The following FAM135A variants were observed in gnomAD, a reference collection of about 807,000 sequenced individuals.
The protein encoded by FAM135A is protein FAM135A.
Under a neutral mutation model 146.8 loss-of-function variants are expected in FAM135A, and 79 were observed. The ratio of observed to expected loss-of-function variants is 0.54; its 90% confidence interval spans 0.45 to 0.65. The LOEUF (loss-of-function observed/expected upper bound fraction) is 0.65. Ranked by LOEUF, FAM135A falls within the 30% of genes least tolerant of loss-of-function variation. The pLI is 0.00. For synonymous variants in FAM135A, 562 were observed against 603.6 expected, an observed-to-expected ratio of 0.93 and a Z score of 1.01; for missense variants, 1,623 against 1,758.2, an observed-to-expected ratio of 0.92 and a Z score of 1.38.
chr6:70,439,372 C>G (rs556776094), intron 4 of FAM135A, among the ~76,000 whole-genome samples: 2 of 152,186 alleles, frequency 1.3e-5, no homozygotes, highest in South Asian at 2.1e-4. Context: ...TGTTTATATC[C>G]TAGTAGCTTT....
chr6:70,444,092 A>G (rs983424817), intron 4 of FAM135A, among the ~76,000 whole-genome samples: 2 of 152,162 alleles, frequency 1.3e-5, no homozygotes, highest in Non-Finnish European at 2.9e-5. Flanking sequence ...GTTTTTAAAA[A>G]TAGGTAACTT....
chr6:70,545,964 A>G (rs1056446437), intron 20 of FAM135A, among the ~76,000 whole-genome samples: 4 of 152,212 alleles, frequency 2.6e-5, no homozygotes, highest in Non-Finnish European at 5.9e-5. Flanking sequence ...TTAAATATCA[A>G]CAAGTATTTC....
At chr6:70,451,259 C>G (rs750072623) in intron 4 of FAM135A, among the ~76,000 whole-genome samples, 1 of 152,138 alleles carries the variant, frequency 6.6e-6, no homozygotes, top group Non-Finnish European at 1.5e-5. Flanking sequence ...GACATGGTCT[C>G]TATGCGGAGG....
At chr6:70,416,682 T>C (rs2127675845) in intron 2 of FAM135A, among the ~76,000 whole-genome samples, 1 of 152,214 alleles carries the variant, frequency 6.6e-6, no homozygotes, top group Non-Finnish European at 1.5e-5. Context: ...TTCTAGCACT[T>C]GGGGAGGCTG....
intron 5 of FAM135A, 87 bp from the exon 6 acceptor site, chr6:70,475,323 A>G (rs1782414553): frequency 9.0e-7 from 1 of 1,106,520 alleles, no homozygotes; most frequent in Non-Finnish European, 1.3e-6. Context: ...AATATAATCA[A>G]ACATACAGTA....
Position 70,524,037 on chromosome 6 carries a change from C to A in FAM135A, c.1174C>A (p.Pro392Thr). 6.2e-7 allele frequency: 1 copy of A among 1,613,174 alleles called. No individual in the cohort carries two copies. Among genetic ancestry groups the A allele is most frequent in the Non-Finnish European group, 8.5e-7 (1 of 1,179,498 alleles). ...CTTCTGCAGTTCTCTTCCACCCTTA[C>A]CTATTGAATGTAGTGAATTAGATGG... ...TSFCSSLPPL[P>T]IECSELDGDL... is the part of the protein sequence containing the mutation. The change falls in exon 14 of 22, where the codon CCT becomes ACT. Residue 392 changes from proline to threonine, a missense_variant. Transcript: ENST00000418814.
chr6:70,414,524 C>G (rs568272115), intron 1 of FAM135A, among the ~76,000 whole-genome samples: 13 of 151,238 alleles, frequency 8.6e-5, no homozygotes, highest in Admixed American at 3.3e-4. Context: ...CTCCCCCCCC[C>G]ATTTGTATAA....
chr6:70,441,520 A>C (rs1012158300), intron 4 of FAM135A, among the ~76,000 whole-genome samples: 1 of 152,074 alleles, frequency 6.6e-6, no homozygotes, highest in African/African-American at 2.4e-5. Flanking sequence ...TATTATGATT[A>C]GGTGTTGCAG....
At chr6:70,447,680 G>A (rs148382058) in intron 4 of FAM135A, among the ~76,000 whole-genome samples, 4 of 152,320 alleles carry the variant, frequency 2.6e-5, no homozygotes, top group Non-Finnish European at 4.4e-5. Context: ...GGCGTTTCCC[G>A]AAATCGGGTT....
intron 4 of FAM135A, among the ~76,000 whole-genome samples, chr6:70,437,628 C>T (rs538460394): frequency 9.9e-5 from 15 of 152,182 alleles, no homozygotes; most frequent in African/African-American, 3.4e-4. Flanking sequence ...AATACAGTCT[C>T]AGAAAATATA....
chr6:70,481,086 A>T, intron 9 of FAM135A, 59 bp downstream of exon 9: 1 of 1,396,146 alleles, frequency 7.2e-7, no homozygotes, highest in Non-Finnish European at 9.6e-7. Flanking sequence ...GTTTTTAACA[A>T]TTTTATCTGT....
rs1170787316 is a variant in FAM135A, at chr6:70,561,073, TG to T, written c.*1153del. On this transcript the variant is annotated 3_prime_UTR_variant, in exon 22 of 22. Coordinates refer to ENST00000418814, the MANE Select transcript of FAM135A (RefSeq NM_001162529.3). ...ACTAATTGTGACAGACAGAGGTTTT[TG>T]TAAGTATTTATTGTACAATTGATGC... 2.0e-5 allele frequency: 3 copies of T among 152,592 alleles called. No homozygotes were observed. The highest frequency in any genetic ancestry group is 4.8e-5 in the African/African-American group (2 of 41,464). 9.5% of individuals were successfully genotyped at this position (152,592 alleles called of 1,614,324 possible). A position where few individuals can be genotyped will look rare whatever the true frequency, so the allele number is the denominator to read the frequency against.
At position 70,481,053 on chromosome 6, in the gene FAM135A, C is replaced by A; in HGVS notation, c.669+26C>A. ...GTAAGAACTGAATATGTTTATAAATCTTCTCCTTATTTTAAAAGAAGTGTT... is the reference window on the plus strand; with the variant it reads ...GTAAGAACTGAATATGTTTATAAATATTCTCCTTATTTTAAAAGAAGTGTT... On this transcript the variant is annotated intron_variant, in intron 9 of 21. Transcript: ENST00000418814. 2 of 1,519,894 alleles carry A rather than the reference C, an allele frequency of 1.3e-6. 1 individual carries two copies. The highest frequency in any genetic ancestry group is 1.8e-6 in the Non-Finnish European group (2 of 1,134,368). The allele number at this position is 1,519,894 out of a possible 1,614,324, so 94.2% of individuals were successfully genotyped here. A position where few individuals can be genotyped will look rare whatever the true frequency, so the allele number is the denominator to read the frequency against.
chr6:70,480,562 A>G (rs1442178278), intron 8 of FAM135A, among the ~76,000 whole-genome samples: 1 of 152,152 alleles, frequency 6.6e-6, no homozygotes, highest in African/African-American at 2.4e-5. Context: ...AAATTTGGTA[A>G]CCAGTTCTGA....
In FAM135A at chr6:70,559,748, C is replaced by T. The variant is rs1193866275; in HGVS notation, c.4375C>T (p.Leu1459Phe). 1 of 1,613,940 alleles carries T rather than the reference C, an allele frequency of 6.2e-7. No individual in the cohort carries two copies. Among genetic ancestry groups the T allele is most frequent in the Non-Finnish European group, 8.5e-7 (1 of 1,180,016 alleles). The part of the protein sequence containing the change: ...QIYSEMIHNL[L>F]RPVLQSKDCN... Reference sequence around the variant, plus strand: ...CTATTCAGAAATGATCCACAACTTGCTTCGACCCGTTCTGCAAAGCAAGGA... The same window carrying T: ...CTATTCAGAAATGATCCACAACTTGTTTCGACCCGTTCTGCAAAGCAAGGA... The change falls in exon 22 of 22, where the codon CTT becomes TTT. Residue 1459 changes from leucine to phenylalanine, a missense_variant. Physicochemically the swap from Leu to Phe is conservative, Grantham distance 22. This residue lies in a region of FAM135A where 138 missense variants were observed against 174.1 expected (regional missense o/e 0.79). Transcript: ENST00000418814.
intron 5 of FAM135A, among the ~76,000 whole-genome samples, chr6:70,473,250 T>G (rs1484189053): frequency 6.6e-6 from 1 of 152,204 alleles, no homozygotes; most frequent in Non-Finnish European, 1.5e-5. Context: ...CAGATTTGTC[T>G]GTGCGCCAGC....
At chr6:70,439,862 A>G (rs1367055734) in intron 4 of FAM135A, among the ~76,000 whole-genome samples, 1 of 152,178 alleles carries the variant, frequency 6.6e-6, no homozygotes, top group Non-Finnish European at 1.5e-5. Flanking sequence ...CGGTTATCAA[A>G]GTTTTTTCTT....
At chr6:70,452,204 T>C (rs1777253067) in intron 4 of FAM135A, among the ~76,000 whole-genome samples, 1 of 152,078 alleles carries the variant, frequency 6.6e-6, no homozygotes, top group Admixed American at 6.5e-5. Context: ...CTTAGACGCT[T>C]TTCTATTTCC....
intron 12 of FAM135A, among the ~76,000 whole-genome samples, chr6:70,515,135 G>A (rs1313474676): frequency 1.3e-5 from 2 of 152,208 alleles, no homozygotes. Flanking sequence ...GAGATGTGGA[G>A]CAACAGGAAT....
Sources: allele counts gnomAD v4.1 joint callset (sites outside exome capture counted in the v4.1 genomes callset), GRCh38; gene constraint gnomAD v4.1.1; regional missense constraint gnomAD v4.1.1; transcripts MANE v1.5; gene names NCBI Gene and HGNC (gene_info 2026-07-23, HGNC 2026-07-21).